Variants in CSMD3 observed in about 807,000 individuals in gnomAD.
CSMD3 encodes CUB and sushi domain-containing protein 3.
CSMD3 carries 177 observed loss-of-function variants against 435.2 expected under a neutral mutation model. The ratio of observed to expected loss-of-function variants is 0.41; its 90% CI spans 0.36 to 0.46. The LOEUF (loss-of-function observed/expected upper bound fraction) is 0.46. Among genes scored for constraint, CSMD3 ranks in the 20% least tolerant of loss-of-function variants. The pLI is 0.34. For missense variants in CSMD3, 4,265 were observed against 4,504.6 expected (o/e 0.95, Z 1.52); for synonymous variants, 1,656 against 1,520.5 (o/e 1.09, Z -2.07).
At chr8:113,016,934 T>G (rs1174932726) in intron 6 of CSMD3, among the ~76,000 whole-genome samples, 1 of 151,890 alleles carries the variant, frequency 6.6e-6, no homozygotes, top group Non-Finnish European at 1.5e-5. Flanking sequence ...GCTGTTGAGG[T>G]AGAATATTAT....
chr8:112,733,741 T>G (rs2077124559), intron 13 of CSMD3, among the ~76,000 whole-genome samples: 1 of 151,954 alleles, frequency 6.6e-6, no homozygotes, highest in African/African-American at 2.4e-5. Flanking sequence ...GTGAGAGAGA[T>G]ATAGCAAAGG....
chr8:112,418,159 T>G (rs1296580651), intron 32 of CSMD3, among the ~76,000 whole-genome samples: 2 of 152,156 alleles, frequency 1.3e-5, no homozygotes, highest in East Asian at 3.9e-4. Flanking sequence ...TAGAGTACTA[T>G]ATTTCACTAT....
Position 112,314,527 on chromosome 8 carries a change from C to A in CSMD3, c.7451G>T (p.Cys2484Phe), listed in dbSNP as rs2130837228. The change falls in exon 48 of 71, where the codon TGT (cysteine) becomes TTT (phenylalanine). Residue 2484 changes from cysteine (C) to phenylalanine (F), a missense_variant. Cys to Phe is a radical substitution (Grantham distance 205). Coordinates refer to ENST00000297405, the MANE Select transcript of CSMD3 (RefSeq NM_198123.2). ...YPDSYPNLQM[C>F]AWSISVEKGY... is the part of the protein sequence containing the mutation. ...CTTTTCCACTGAAATGCTCCATGCA[C>A]ACATTTGAAGATTTGGGTAACTGTC... is the stretch of plus-strand genomic sequence containing the variant. 1 of 1,611,482 alleles carries A rather than the reference C, an allele frequency of 6.2e-7. No individual in the cohort carries two copies. Among genetic ancestry groups the A allele is most frequent in the Non-Finnish European group, 8.5e-7 (1 of 1,177,772 alleles).
At chr8:113,241,687 AC>A (rs1368027108) in intron 3 of CSMD3, among the ~76,000 whole-genome samples, 1 of 151,972 alleles carries the variant, frequency 6.6e-6, no homozygotes, top group Non-Finnish European at 1.5e-5. Context: ...AAAAGAAAAC[AC>A]TTTAAAATCT....
At chr8:112,352,870 T>C (rs1826255260) in intron 38 of CSMD3, among the ~76,000 whole-genome samples, 1 of 152,022 alleles carries the variant, frequency 6.6e-6, no homozygotes, top group Non-Finnish European at 1.5e-5. Context: ...TACATGAAAA[T>C]TAAAAATAAT....
At chr8:112,827,755 A>T (rs1195687547) in intron 12 of CSMD3, among the ~76,000 whole-genome samples, 1 of 152,168 alleles carries the variant, frequency 6.6e-6, no homozygotes, top group Non-Finnish European at 1.5e-5. Context: ...GGTGTCACTT[A>T]ATTAGCTATA....
chr8:112,242,227 G>A (rs1235646608), intron 65 of CSMD3, among the ~76,000 whole-genome samples: 1 of 152,000 alleles, frequency 6.6e-6, no homozygotes, highest in Admixed American at 6.6e-5. Context: ...ACCAGAAATT[G>A]GATAGACTTA....
At chr8:113,414,482 C>T (rs761020019) in intron 1 of CSMD3, among the ~76,000 whole-genome samples, 2 of 151,964 alleles carry the variant, frequency 1.3e-5, no homozygotes, top group Non-Finnish European at 2.9e-5. Flanking sequence ...ACCCTTATAA[C>T]ATTTTAATGT....
intron 1 of CSMD3, among the ~76,000 whole-genome samples, chr8:113,417,849 A>G (rs2094589396): frequency 1.3e-5 from 2 of 152,096 alleles, no homozygotes; most frequent in Admixed American, 1.3e-4. Flanking sequence ...GATAAATTGG[A>G]GAATATCATG....
At chr8:112,674,615 T>C (rs1212882067) in intron 16 of CSMD3, among the ~76,000 whole-genome samples, 1 of 152,154 alleles carries the variant, frequency 6.6e-6, no homozygotes, top group Non-Finnish European at 1.5e-5. Flanking sequence ...ACAGGAAACT[T>C]ACATCACTGA....
chr8:112,998,863 G>A (rs1175583963), intron 6 of CSMD3, among the ~76,000 whole-genome samples: 1 of 151,800 alleles, frequency 6.6e-6, no homozygotes, highest in Non-Finnish European at 1.5e-5. Flanking sequence ...TTTTTCTCCT[G>A]CTCTGGCCAT....
At chr8:113,152,734 C>A (rs1398397100) in intron 4 of CSMD3, among the ~76,000 whole-genome samples, 1 of 151,974 alleles carries the variant, frequency 6.6e-6, no homozygotes, top group African/African-American at 2.4e-5. Context: ...AATCCCAGCA[C>A]TTTGGGAGGC....
At chr8:112,819,917 A>T (rs199547884) in intron 12 of CSMD3, among the ~76,000 whole-genome samples, 1 of 152,100 alleles carries the variant, frequency 6.6e-6, no homozygotes, top group Non-Finnish European at 1.5e-5. Context: ...TTTCCACTTG[A>T]CTATTCACTT....
intron 3 of CSMD3, among the ~76,000 whole-genome samples, chr8:113,258,123 G>A (rs1009585630): frequency 4.6e-5 from 7 of 152,138 alleles, no homozygotes; most frequent in Non-Finnish European, 8.8e-5. Flanking sequence ...AAAGCTGTTA[G>A]AATAATAGTT....
chr8:112,506,061 T>C (rs1822474698), intron 29 of CSMD3, among the ~76,000 whole-genome samples: 1 of 152,162 alleles, frequency 6.6e-6, no homozygotes, highest in Non-Finnish European at 1.5e-5. Context: ...CTTGGGAATT[T>C]GTCTTACAAC....
intron 11 of CSMD3, among the ~76,000 whole-genome samples, chr8:112,852,594 C>G (rs752364899): frequency 1.8e-4 from 27 of 152,000 alleles, no homozygotes; most frequent in Admixed American, 5.2e-4. Context: ...TAATGGGACA[C>G]TCACACGAGA....
chr8:113,413,406 T>C lies in CSMD3; in HGVS notation c.178+23271A>G, dbSNP rs2094568126. On this transcript the variant is annotated intron_variant, in intron 1 of 70. Transcript: ENST00000297405. ...ATCTTTTATTATTGTATTCTAACTA[T>C]TGCAAATTTGTTTAAACTGCAGCAT... Among the ~76,000 whole-genome samples, 3 of 152,256 alleles carry C rather than the reference T, an allele frequency of 2.0e-5. No homozygotes were observed. The South Asian group carries it at 6.2e-4, about 32-fold the overall frequency.
At chr8:113,360,356 T>C (rs16884527) in intron 1 of CSMD3, among the ~76,000 whole-genome samples, 2,011 of 152,204 alleles carry the variant, frequency 0.013, 52 homozygotes, top group African/African-American at 0.046. Context: ...GGAAGGGGTA[T>C]AATAGTAATA....
chr8:113,133,384 T>C (rs191251993), intron 4 of CSMD3, among the ~76,000 whole-genome samples: 4 of 152,124 alleles, frequency 2.6e-5, no homozygotes, highest in Admixed American at 6.6e-5. Context: ...ACCGTTAGGA[T>C]TGCTACTGTA....
Sources: gnomAD v4.1 joint callset for allele counts (sites outside exome capture counted in the v4.1 genomes callset) on GRCh38, gnomAD v4.1.1 for gene constraint, MANE v1.5 for transcripts, NCBI Gene and HGNC (gene_info 2026-07-23, HGNC 2026-07-21) for gene names.